The following DCC variants were observed in gnomAD, a reference collection of about 807,000 sequenced individuals.
DCC encodes netrin receptor DCC.
A neutral mutation model predicts 172.5 loss-of-function variants in DCC; 58 were observed. The observed-to-expected ratio is 0.34, with a 90% CI of 0.27 to 0.42. DCC has a LOEUF of 0.42. Among genes scored for constraint, DCC ranks in the 10% least tolerant of loss-of-function variants. DCC has a pLI of 1.00. For synonymous variants in DCC, 709 were observed against 644.5 expected (o/e 1.10, Z -1.52); for missense variants, 1,740 against 1,791.0 (o/e 0.97, Z 0.51).
intron 1 of DCC, among the ~76,000 whole-genome samples, chr18:52,646,656 A>C: frequency 6.6e-6 from 1 of 152,340 alleles, no homozygotes; most frequent in South Asian, 2.1e-4. Flanking sequence ...AGAACATTAT[A>C]AAAGATAAAG....
rs764481922 is a variant in DCC at position 53,339,814 on chromosome 18, C to A, written c.2266C>A (p.Arg756=). The part of the protein sequence containing the change: ...TPPLNPNIVV[R]GYIIGYGVGS... Reference sequence around the variant, plus strand: ...TCCCTTGAACCCAAACATCGTGGTGCGAGGTTATATTATCGGTTATGGCGT... The same window carrying A: ...TCCCTTGAACCCAAACATCGTGGTGAGAGGTTATATTATCGGTTATGGCGT... The change falls in exon 15 of 29, where the codon CGA becomes AGA. Residue 756 remains arginine (R), a synonymous_variant. Coordinates refer to ENST00000442544, the MANE Select transcript of DCC (RefSeq NM_005215.4). The A allele has an allele frequency of 1.2e-6, 2 of 1,613,800 alleles. No individual in the cohort carries two copies. The highest frequency in any genetic ancestry group is 1.7e-5 in the Admixed American group (1 of 59,952).
chr18:52,747,665 T>A (rs1370411034), intron 1 of DCC, among the ~76,000 whole-genome samples: 1 of 152,222 alleles, frequency 6.6e-6, no homozygotes, highest in African/African-American at 2.4e-5. Context: ...CCTCTCTTCA[T>A]ACATTAAATC....
intron 1 of DCC, among the ~76,000 whole-genome samples, chr18:52,487,176 A>G (rs2030268393): frequency 6.6e-6 from 1 of 152,162 alleles, no homozygotes; most frequent in African/African-American, 2.4e-5. Context: ...TTTTGCAAAT[A>G]TAAGGTTAGT....
At chr18:53,469,553 T>C (rs1033638167) in intron 25 of DCC, among the ~76,000 whole-genome samples, 5 of 152,176 alleles carry the variant, frequency 3.3e-5, no homozygotes, top group Non-Finnish European at 7.3e-5. Context: ...TTCCATCAAA[T>C]CTAATTGATC....
In DCC at chr18:52,917,137, C is replaced by A. The variant is rs112827569; in HGVS notation, c.698-6570C>A. On this transcript the variant is annotated intron_variant, in intron 3 of 28. Coordinates refer to ENST00000442544, the MANE Select transcript of DCC (RefSeq NM_005215.4). ...GTCTCAAAAAAAAAAAAAAAGAAAA[C>A]AAAAAAAAAAAAACAAGAAAAAAAT... 9.0e-3 allele frequency among the ~76,000 whole-genome samples: 837 copies of A among 93,514 alleles called. 1 individual carries two copies. The highest frequency in any genetic ancestry group is 0.062 in the Middle Eastern group (8 of 130). The allele number at this position is 93,514 out of a possible 152,430, so 61.3% of individuals were successfully genotyped here.
intron 8 of DCC, among the ~76,000 whole-genome samples, chr18:53,169,958 C>T (rs990632967): frequency 6.6e-6 from 1 of 152,054 alleles, no homozygotes; most frequent in Non-Finnish European, 1.5e-5. Flanking sequence ...AATAAACTGC[C>T]CTTCCAAACT....
At chr18:52,618,391 T>C (rs2034422822) in intron 1 of DCC, among the ~76,000 whole-genome samples, 1 of 152,226 alleles carries the variant, frequency 6.6e-6, no homozygotes, top group African/African-American at 2.4e-5. Flanking sequence ...TTGAAGACTG[T>C]CATCTTTAGC....
intron 5 of DCC, among the ~76,000 whole-genome samples, chr18:52,958,404 A>G (rs2040783252): frequency 6.6e-6 from 1 of 152,196 alleles, no homozygotes; most frequent in Admixed American, 6.5e-5. Context: ...GTACTTGGAT[A>G]TGAGAGAGAA....
intron 1 of DCC, among the ~76,000 whole-genome samples, chr18:52,617,537 TTTCAAGTTTTTGATTCCCA>T (rs753318645): frequency 5.9e-5 from 9 of 152,168 alleles, no homozygotes; most frequent in Non-Finnish European, 1.2e-4. Flanking sequence ...TCTCACTCTT[TTTCAAGTTTTTGATTCCCA>T]AGGTGAACCT....
At chr18:53,423,719 A>G (rs13381236) in intron 21 of DCC, among the ~76,000 whole-genome samples, 10,505 of 152,100 alleles carry the variant, frequency 0.069, 661 homozygotes, top group African/African-American at 0.16. Flanking sequence ...ATACTTTGCT[A>G]TTTATATTCT....
intron 1 of DCC, among the ~76,000 whole-genome samples, chr18:52,594,766 C>T (rs966560307): frequency 6.6e-6 from 1 of 152,050 alleles, no homozygotes; most frequent in Non-Finnish European, 1.5e-5. Context: ...AGCAAGAGAG[C>T]GTAGCAAGGG....
At chr18:53,198,784 A>C (rs1262151942) in intron 9 of DCC, among the ~76,000 whole-genome samples, 1 of 152,202 alleles carries the variant, frequency 6.6e-6, no homozygotes, top group African/African-American at 2.4e-5. Flanking sequence ...ATAGGCTGAC[A>C]TTGATTGATG....
At chr18:53,178,830 T>C in intron 8 of DCC, 132 bp from the exon 9 acceptor site, 1 of 844,338 alleles carries the variant, frequency 1.2e-6, no homozygotes, top group Non-Finnish European at 2.0e-6. Context: ...GGTCTTGAAT[T>C]ATGTCCCAGA....
At chr18:53,247,731 G>A (rs1337483171) in intron 12 of DCC, among the ~76,000 whole-genome samples, 1 of 151,998 alleles carries the variant, frequency 6.6e-6, no homozygotes, top group Non-Finnish European at 1.5e-5. Context: ...ACACTCTTGA[G>A]TGTGGGCTTT....
chr18:53,512,239 C>T (rs906499712), intron 27 of DCC, among the ~76,000 whole-genome samples: 50 of 151,464 alleles, frequency 3.3e-4, no homozygotes, highest in Non-Finnish European at 6.6e-4. Flanking sequence ...AACAGACCTG[C>T]AGCTGAGGGT....
At chr18:53,326,090 T>C (rs1479590011) in intron 14 of DCC, among the ~76,000 whole-genome samples, 2 of 152,190 alleles carry the variant, frequency 1.3e-5, no homozygotes, top group South Asian at 2.1e-4. Flanking sequence ...CAAAACATAT[T>C]TCCACACAAA....
At chr18:52,950,690 C>T (rs539425785) in intron 5 of DCC, among the ~76,000 whole-genome samples, 1 of 151,426 alleles carries the variant, frequency 6.6e-6, no homozygotes, top group South Asian at 2.1e-4. Flanking sequence ...TTTGGGAGGC[C>T]GAGGGGGGTG....
intron 1 of DCC, among the ~76,000 whole-genome samples, chr18:52,740,416 AC>A (rs1473658278): frequency 6.6e-6 from 1 of 152,226 alleles, no homozygotes; most frequent in Admixed American, 6.5e-5. Flanking sequence ...AAATATCATG[AC>A]AAAATGAATG....
intron 12 of DCC, among the ~76,000 whole-genome samples, chr18:53,275,726 A>C (rs2056797998): frequency 6.6e-6 from 1 of 152,150 alleles, no homozygotes; most frequent in Non-Finnish European, 1.5e-5. Flanking sequence ...TGGTTTTGCT[A>C]TTCAGGTAGG....
Sources: allele counts gnomAD v4.1 joint callset (sites outside exome capture counted in the v4.1 genomes callset), GRCh38; gene constraint gnomAD v4.1.1; transcripts MANE v1.5; gene names NCBI Gene and HGNC (gene_info 2026-07-23, HGNC 2026-07-21).